FOXP1: variants seen among roughly 807,000 people sequenced by gnomAD.
The protein encoded by FOXP1 is forkhead box P1, also known as forkhead box protein P1.
Under a neutral mutation model 98.2 loss-of-function variants are expected in FOXP1, and 15 were observed. The ratio of observed to expected loss-of-function variants is 0.15; its 90% CI spans 0.10 to 0.24. The LOEUF (loss-of-function observed/expected upper bound fraction) is 0.24, where lower values mean the gene tolerates loss of function less well. FOXP1 is among the 10% of genes least tolerant of loss of function. The pLI is 1.00. For synonymous variants in FOXP1, 371 were observed against 314.5 expected (o/e 1.18, Z -1.90); for missense variants, 633 against 848.5 (o/e 0.75, Z 3.15).
intron 4 of FOXP1, among the ~76,000 whole-genome samples, chr3:71,343,418 A>G (rs2077127432): frequency 6.6e-6 from 1 of 152,176 alleles, no homozygotes; most frequent in Non-Finnish European, 1.5e-5. Context: ...AACTAAATAA[A>G]ATAGCTGGAT....
chr3:71,423,987 T>G (rs1253454909), intron 3 of FOXP1, among the ~76,000 whole-genome samples: 1 of 152,160 alleles, frequency 6.6e-6, no homozygotes, highest in Non-Finnish European at 1.5e-5. Flanking sequence ...AGAGACAAGG[T>G]CTCCTTATGC....
chr3:71,254,253 G>A (rs1269696050), intron 5 of FOXP1, among the ~76,000 whole-genome samples: 1 of 152,136 alleles, frequency 6.6e-6, no homozygotes, highest in Non-Finnish European at 1.5e-5. Context: ...TGTCTTCCCT[G>A]TAAGAATATT....
intron 7 of FOXP1, among the ~76,000 whole-genome samples, chr3:71,067,941 A>AT (rs1341514820): frequency 9.3e-5 from 14 of 151,164 alleles, no homozygotes; most frequent in African/African-American, 2.7e-4. Context: ...AAATAAAAAA[A>AT]AAATATATAC....
intron 2 of FOXP1, among the ~76,000 whole-genome samples, chr3:71,564,009 T>C (rs1319385980): frequency 6.6e-6 from 1 of 152,232 alleles, no homozygotes; most frequent in African/African-American, 2.4e-5. Flanking sequence ...TTGGCACCAT[T>C]TGAATGAGGT....
chr3:70,986,510 T>A (rs1183889317), intron 14 of FOXP1, among the ~76,000 whole-genome samples: 1 of 152,220 alleles, frequency 6.6e-6, no homozygotes, highest in Non-Finnish European at 1.5e-5. Context: ...ACTAAAGCCA[T>A]CTGAAGACTT....
chr3:71,256,212 T>C (rs965466710), intron 5 of FOXP1, among the ~76,000 whole-genome samples: 3 of 152,066 alleles, frequency 2.0e-5, no homozygotes, highest in Admixed American at 1.3e-4. Flanking sequence ...ACAGAGTCAA[T>C]AGCCTGCTCA....
At chr3:70,973,849 ACCC>A (rs1427427370) in intron 17 of FOXP1, among the ~76,000 whole-genome samples, 4 of 15,718 alleles carry the variant, frequency 2.5e-4, no homozygotes, top group African/African-American at 5.5e-4. Flanking sequence ...CCCCCCCCCC[ACCC>A]CCCAACACAT....
At chr3:71,286,558 A>G (rs564748435) in intron 5 of FOXP1, among the ~76,000 whole-genome samples, 3 of 152,210 alleles carry the variant, frequency 2.0e-5, no homozygotes, top group Non-Finnish European at 4.4e-5. Context: ...TGCTGGGACA[A>G]GAGAATGACT....
chr3:71,545,060 T>C (rs2045246311), intron 2 of FOXP1, among the ~76,000 whole-genome samples: 1 of 152,112 alleles, frequency 6.6e-6, no homozygotes, highest in Non-Finnish European at 1.5e-5. Flanking sequence ...GGAAGCAAAA[T>C]AGCGATTTTA....
chr3:71,254,569 G>A (rs1375233459), intron 5 of FOXP1, among the ~76,000 whole-genome samples: 1 of 152,116 alleles, frequency 6.6e-6, no homozygotes, highest in Non-Finnish European at 1.5e-5. Context: ...CCTCTAGTCC[G>A]ACTTACAGTT....
At chr3:71,322,582 C>T (rs1238387566) in intron 4 of FOXP1, among the ~76,000 whole-genome samples, 1 of 152,062 alleles carries the variant, frequency 6.6e-6, no homozygotes, top group Non-Finnish European at 1.5e-5. Flanking sequence ...AAACAGGAGC[C>T]AGGTGGAGCG....
intron 5 of FOXP1, among the ~76,000 whole-genome samples, chr3:71,255,281 G>A (rs184739386): frequency 1.8e-3 from 272 of 152,134 alleles, no homozygotes; most frequent in Middle Eastern, 0.01. Context: ...ATAATAGCCC[G>A]TTAGCCTTAC....
rs71104406 is a variant in FOXP1 at position 70,981,191 on chromosome 3, C to CAAA, written c.1147-3165_1147-3163dup. 1.9e-3 allele frequency among the ~76,000 whole-genome samples: 115 copies of CAAA among 59,942 alleles called. 7 individuals are homozygous for CAAA. Among genetic ancestry groups the CAAA allele is most frequent in the Admixed American group, 6.6e-3 (26 of 3,940 alleles). 39.3% of individuals were successfully genotyped at this position (59,942 alleles called of 152,430 possible). On this transcript the variant is annotated intron_variant, in intron 14 of 20. Transcript: ENST00000649528. Reference sequence around the variant, plus strand: ...ATCGCACCACTAGGACTCTTTCTACCAAAAAAAAAAAAAAAAAAAAAAAAA... The same window carrying CAAA: ...ATCGCACCACTAGGACTCTTTCTACCAAAAAAAAAAAAAAAAAAAAAAAAAAAA...
chr3:71,189,607 G>A (rs1328364835), intron 6 of FOXP1, among the ~76,000 whole-genome samples: 1 of 152,048 alleles, frequency 6.6e-6, no homozygotes, highest in Non-Finnish European at 1.5e-5. Flanking sequence ...TGTTTCATTG[G>A]TGCCCCCATT....
intron 3 of FOXP1, among the ~76,000 whole-genome samples, chr3:71,408,431 T>C (rs944382368): frequency 6.6e-6 from 1 of 152,180 alleles, no homozygotes; most frequent in Admixed American, 6.5e-5. Context: ...GCCGTTACCA[T>C]GCGCACATTC....
At chr3:71,541,957 C>T (rs578235930) in intron 2 of FOXP1, 6 of 531,212 alleles carry the variant, frequency 1.1e-5, no homozygotes, top group African/African-American at 3.9e-5. Context: ...CATGGCATCA[C>T]GCCGCGCGAG....
chr3:71,442,892 T>A (rs1190024834), intron 3 of FOXP1, among the ~76,000 whole-genome samples: 1 of 152,202 alleles, frequency 6.6e-6, no homozygotes, highest in East Asian at 1.9e-4. Context: ...TTTTATTTTT[T>A]TTTTATTTTT....
intron 3 of FOXP1, among the ~76,000 whole-genome samples, chr3:71,441,483 C>A (rs2085935270): frequency 6.6e-6 from 1 of 152,234 alleles, no homozygotes; most frequent in African/African-American, 2.4e-5. Flanking sequence ...CTTCCTTTTA[C>A]CCATGCCTGT....
intron 3 of FOXP1, among the ~76,000 whole-genome samples, chr3:71,475,317 A>C (rs1200202817): frequency 1.3e-5 from 2 of 152,210 alleles, no homozygotes; most frequent in Non-Finnish European, 2.9e-5. Flanking sequence ...AGAAGGAGCA[A>C]CTATAATTTT....
Sources: gnomAD v4.1 joint callset for allele counts (sites outside exome capture counted in the v4.1 genomes callset) on GRCh38, gnomAD v4.1.1 for gene constraint, MANE v1.5 for transcripts, NCBI Gene and HGNC (gene_info 2026-07-23, HGNC 2026-07-21) for gene names.